Variants in CDKL5 observed in about 807,000 individuals in gnomAD.
CDKL5 encodes the protein cyclin dependent kinase like 5.
A neutral mutation model predicts 61.7 loss-of-function variants in CDKL5; 8 were observed. The ratio of observed to expected loss-of-function variants is 0.13; its 90% CI spans 0.08 to 0.23. CDKL5 has a LOEUF of 0.23. CDKL5 is among the 10% of genes least tolerant of loss of function. The pLI, the probability that CDKL5 is intolerant of heterozygous loss-of-function variation, is 1.00. For synonymous variants in CDKL5, 275 were observed against 272.3 expected, an observed-to-expected ratio of 1.01 and a Z score of -0.10; for missense variants, 440 against 734.5, an observed-to-expected ratio of 0.60 and a Z score of 4.63.
At chrX:18,507,302 A>T in intron 2 of CDKL5, 142 bp downstream of exon 2, 1 of 445,031 alleles carries the variant, frequency 2.2e-6, no homozygotes, top group Non-Finnish European at 4.0e-6. Context: ...ATTAAAAATA[A>T]AATTACTCTT....
chrX:18,474,081 C>G (rs186183657), intron 1 of CDKL5, among the ~76,000 whole-genome samples: 14 of 110,319 alleles, frequency 1.3e-4, no homozygotes, highest in African/African-American at 4.6e-4. Context: ...GTTGGCCAGG[C>G]TGGTCTCTAA....
intron 1 of CDKL5, among the ~76,000 whole-genome samples, chrX:18,425,918 C>T (rs1272773469): frequency 1.8e-5 from 2 of 112,634 alleles, no homozygotes; most frequent in Admixed American, 9.2e-5. Context: ...AAGGGCTTCC[C>T]CCGAGGGGCT....
chrX:18,504,374 G>A (rs777256206), intron 1 of CDKL5, among the ~76,000 whole-genome samples: 1 of 111,825 alleles, frequency 8.9e-6, no homozygotes, highest in African/African-American at 3.2e-5. Flanking sequence ...CTAAAGTGCT[G>A]GGATTATATG....
intron 19 of CDKL5, among the ~76,000 whole-genome samples, chrX:18,645,566 T>A (rs930074467): frequency 9.1e-6 from 1 of 109,478 alleles, no homozygotes; most frequent in Non-Finnish European, 1.9e-5. Flanking sequence ...ATCTATTGGC[T>A]CCATCTCCAA....
At chrX:18,437,636 A>G (rs887077380) in intron 1 of CDKL5, among the ~76,000 whole-genome samples, 1 of 111,840 alleles carries the variant, frequency 8.9e-6, no homozygotes, top group Non-Finnish European at 1.9e-5. Flanking sequence ...TAGGAGCACT[A>G]CTCTTCATCA....
At chrX:18,563,541 C>A (rs1924870557) in intron 3 of CDKL5, among the ~76,000 whole-genome samples, 1 of 111,693 alleles carries the variant, frequency 9.0e-6, no homozygotes, top group African/African-American at 3.3e-5. Context: ...TAAGAAGTAT[C>A]TTTTTCCTCC....
chrX:18,474,092 C>T (rs1921213533), intron 1 of CDKL5, among the ~76,000 whole-genome samples: 1 of 110,464 alleles, frequency 9.1e-6, no homozygotes, highest in Non-Finnish European at 1.9e-5. Flanking sequence ...TGGTCTCTAA[C>T]TCCTGACCAC....
intron 1 of CDKL5, among the ~76,000 whole-genome samples, chrX:18,475,354 G>A (rs1368122968): frequency 9.0e-6 from 1 of 110,892 alleles, no homozygotes; most frequent in African/African-American, 3.3e-5. Flanking sequence ...GAGTGTAGTG[G>A]CACAATCACG....
intron 1 of CDKL5, among the ~76,000 whole-genome samples, chrX:18,480,627 A>G (rs1350689053): frequency 9.0e-6 from 1 of 111,115 alleles, no homozygotes; most frequent in Non-Finnish European, 1.9e-5. Context: ...GGGATTTGTC[A>G]ACTCTGACTC....
intron 3 of CDKL5, among the ~76,000 whole-genome samples, chrX:18,518,025 G>A (rs979124739): frequency 3.6e-5 from 4 of 111,320 alleles, no homozygotes; most frequent in Admixed American, 9.6e-5. Flanking sequence ...AGAGTAGTAC[G>A]TCGTGATCTA....
At chrX:18,509,243 A>AC (rs775606173) in intron 2 of CDKL5, among the ~76,000 whole-genome samples, 2 of 97,925 alleles carry the variant, frequency 2.0e-5, no homozygotes, top group South Asian at 5.2e-4. Context: ...ACACACACAC[A>AC]CACCCCTGTC....
At chrX:18,497,146 C>T (rs188545725) in intron 1 of CDKL5, among the ~76,000 whole-genome samples, 7 of 110,594 alleles carry the variant, frequency 6.3e-5, no homozygotes, top group African/African-American at 2.3e-4. Flanking sequence ...ACATACGCCA[C>T]CACCCCCGGC....
At chrX:18,509,197 G>GCACACGCGCGCGCGCACACACACACA (rs1555940192) in intron 2 of CDKL5, among the ~76,000 whole-genome samples, 1 of 64,314 alleles carries the variant, frequency 1.6e-5, no homozygotes, top group African/African-American at 5.9e-5. Flanking sequence ...CTCAAAACAC[G>GCACACGCGCGCGCGCACACACACACA]CACACACACA....
In CDKL5 at chrX:18,588,118, G is replaced by C. The variant is rs766475539; in HGVS notation, c.719G>C (p.Ser240Thr). 1 of 1,208,339 alleles carries C rather than the reference G, an allele frequency of 8.3e-7. No homozygotes were observed. The highest frequency in any genetic ancestry group is 3.0e-5 in the East Asian group (1 of 33,742). ...LPSEQMKLFY[S>T]NPRFHGLRFP... ...TCTGAGCAGATGAAGCTTTTCTACA[G>C]TAATCCTCGCTTCCATGGGCTCCGG... Residue 240 changes from serine (S) to threonine (T), a missense_variant, in exon 9 of 18, where the codon AGT becomes ACT. Around this residue, in one of 2 missense-constraint regions of CDKL5, gnomAD observed 77 missense variants for 218.2 expected, o/e 0.35. Transcript: ENST00000623535.
At chrX:18,464,733 G>A (rs1322970497) in intron 1 of CDKL5, among the ~76,000 whole-genome samples, 3 of 111,443 alleles carry the variant, frequency 2.7e-5, no homozygotes, top group African/African-American at 9.8e-5. Context: ...ACCTAAGGCT[G>A]GGGGTGAAAG....
At position 18,618,696 on chromosome X, in the gene CDKL5, C is replaced by T. The variant is rs1056759941; in HGVS notation, c.2277-1171C>T. ...ATTTAAAGACTCTTTTGGCTGGCCG[C>T]GGTGGCTCACACCTGTAATTCCAGC... On this transcript the variant is annotated intron_variant, in intron 15 of 17. Coordinates refer to ENST00000623535, the MANE Select transcript of CDKL5 (RefSeq NM_001323289.2). 6.2e-5 allele frequency among the ~76,000 whole-genome samples: 7 copies of T among 112,282 alleles called. 1 individual carries two copies. The highest frequency in any genetic ancestry group is 1.3e-4 in the African/African-American group (4 of 30,930).
At position 18,581,949 on chromosome X, in the gene CDKL5, T is replaced by C. The variant is rs898874642; in HGVS notation, c.462T>C (p.Phe154=). 7 of 1,180,455 alleles carry C rather than the reference T, an allele frequency of 5.9e-6. No homozygotes were observed. The highest frequency in any genetic ancestry group is 2.4e-4 in the Middle Eastern group (1 of 4,216). Residue 154 remains phenylalanine, a splice_region_variant and synonymous_variant, in exon 7 of 18, where the codon TTT becomes TTC. Transcript: ENST00000623535. Reference sequence around the variant, plus strand: ...ATGATGTCCTAAAACTGTGTGACTTTGGTAAGTTAAAAAGAAATTAAGTCC... The same window carrying C: ...ATGATGTCCTAAAACTGTGTGACTTCGGTAAGTTAAAAAGAAATTAAGTCC... ...SHNDVLKLCD[F]GFARNLSEGN...
At chrX:18,547,977 G>A (rs1248020194) in intron 3 of CDKL5, among the ~76,000 whole-genome samples, 2 of 111,255 alleles carry the variant, frequency 1.8e-5, no homozygotes, top group African/African-American at 3.3e-5. Context: ...TTTTTGACGC[G>A]AGTTTTGTTT....
At chrX:18,589,968 A>G (rs1186856631) in intron 9 of CDKL5, among the ~76,000 whole-genome samples, 18 of 111,662 alleles carry the variant, frequency 1.6e-4, no homozygotes, top group Non-Finnish European at 3.0e-4. Context: ...TCCTTCACCC[A>G]CTTTTTGATG....
Sources: gnomAD v4.1 joint callset for allele counts (sites outside exome capture counted in the v4.1 genomes callset) on GRCh38, gnomAD v4.1.1 for gene constraint, gnomAD v4.1.1 regional missense constraint, MANE v1.5 for transcripts, NCBI Gene and HGNC (gene_info 2026-07-23, HGNC 2026-07-21) for gene names.